Variants in MPPED2 observed in about 807,000 individuals in gnomAD.
MPPED2 encodes the protein metallophosphoesterase domain containing 2, also known as metallophosphoesterase MPPED2.
MPPED2 carries 5 observed loss-of-function variants against 33.0 expected under a neutral mutation model. That is an observed-to-expected ratio of 0.15 (90% CI 0.08 to 0.32). The LOEUF (loss-of-function observed/expected upper bound fraction) is 0.32. Ranked by LOEUF, MPPED2 falls within the 10% of genes least tolerant of loss-of-function variation. The pLI, the probability that MPPED2 is intolerant of heterozygous loss-of-function variation, is 1.00. For synonymous variants in MPPED2, 136 were observed against 141.9 expected (o/e 0.96, Z 0.29); for missense variants, 275 against 372.1 (o/e 0.74, Z 2.15).
chr11:30,464,511 T>C (rs1286367449), intron 4 of MPPED2, among the ~76,000 whole-genome samples: 1 of 152,234 alleles, frequency 6.6e-6, no homozygotes, highest in Non-Finnish European at 1.5e-5. Context: ...TTGTTGTACT[T>C]GATTTTAATA....
intron 2 of MPPED2, among the ~76,000 whole-genome samples, chr11:30,572,016 T>G (rs773391678): frequency 2.0e-5 from 3 of 152,220 alleles, no homozygotes; most frequent in Non-Finnish European, 4.4e-5. Flanking sequence ...AGAGGTGATC[T>G]GATGGCTCCT....
Position 30,488,288 on chromosome 11 carries a change from C to G in MPPED2, c.536+7008G>C, listed in dbSNP as rs112723054. 9.6e-3 allele frequency among the ~76,000 whole-genome samples: 1,459 copies of G among 152,308 alleles called. 25 individuals are homozygous for G. Among genetic ancestry groups the G allele is most frequent in the African/African-American group, 0.031 (1,303 of 41,556 alleles). On this transcript the variant is annotated intron_variant, in intron 4 of 6. Transcript: ENST00000358117. The stretch of plus-strand genomic sequence containing the variant: ...ATGAAAGTTCTCTGAGTGAAATACA[C>G]CATCCAAATGTAAATTTATTATTGT...
At chr11:30,563,875 T>C (rs61065469) in intron 2 of MPPED2, among the ~76,000 whole-genome samples, 13,455 of 152,184 alleles carry the variant, frequency 0.088, 2,038 homozygotes, top group African/African-American at 0.31. Flanking sequence ...TATCCCCTTA[T>C]AGGAGCGAAT....
At chr11:30,547,701 C>A (rs1955497471) in intron 2 of MPPED2, among the ~76,000 whole-genome samples, 1 of 152,174 alleles carries the variant, frequency 6.6e-6, no homozygotes, top group Non-Finnish European at 1.5e-5. Flanking sequence ...GATCCATTTG[C>A]AAATTAATTT....
chr11:30,416,482 G>A (rs1266763092), intron 5 of MPPED2, among the ~76,000 whole-genome samples: 1 of 151,958 alleles, frequency 6.6e-6, no homozygotes, highest in African/African-American at 2.4e-5. Flanking sequence ...AAAGGAGGGG[G>A]GTAACATGGA....
chr11:30,440,939 C>T (rs1949544863), intron 4 of MPPED2, among the ~76,000 whole-genome samples: 2 of 152,170 alleles, frequency 1.3e-5, no homozygotes, highest in Non-Finnish European at 2.9e-5. Flanking sequence ...TTTGCTCAAA[C>T]ATATATGTGA....
At chr11:30,571,426 T>TTGC in intron 2 of MPPED2, among the ~76,000 whole-genome samples, 1 of 152,244 alleles carries the variant, frequency 6.6e-6, no homozygotes. Flanking sequence ...AGTTTCCTCT[T>TTGC]TGCAGAGTTA....
chr11:30,485,430 C>T (rs1233284474), intron 4 of MPPED2, among the ~76,000 whole-genome samples: 6 of 152,154 alleles, frequency 3.9e-5, no homozygotes, highest in African/African-American at 1.4e-4. Context: ...AGGTAAATAA[C>T]ATGTGTAACA....
At position 30,580,424 on chromosome 11, in the gene MPPED2, G is replaced by A; in HGVS notation, c.-51C>T. ...TTCACAACTTTACAGAGCAAAAGAT[G>A]GAAGCAGGCATGGTGCGTTTCAGCC... On this transcript the variant is annotated 5_prime_UTR_variant, in exon 2 of 7. Transcript: ENST00000358117. The A allele has an allele frequency of 1.1e-5, 18 of 1,605,274 alleles. No homozygotes were observed. Among genetic ancestry groups the A allele is most frequent in the Non-Finnish European group, 1.5e-5 (18 of 1,174,204 alleles).
intron 4 of MPPED2, among the ~76,000 whole-genome samples, chr11:30,484,746 A>G (rs1951642579): frequency 6.6e-6 from 1 of 152,176 alleles, no homozygotes; most frequent in Admixed American, 6.5e-5. Context: ...GCAGCGGAAT[A>G]TGGGGTTCCT....
intron 4 of MPPED2, among the ~76,000 whole-genome samples, chr11:30,478,303 G>A (rs910460502): frequency 2.6e-5 from 4 of 151,852 alleles, no homozygotes; most frequent in African/African-American, 4.8e-5. Context: ...TATTAAGTTC[G>A]AAACCAATAA....
intron 4 of MPPED2, among the ~76,000 whole-genome samples, chr11:30,465,174 G>C (rs1265285542): frequency 6.6e-6 from 1 of 152,208 alleles, no homozygotes; most frequent in Admixed American, 6.5e-5. Flanking sequence ...AGTTCATGTA[G>C]ATATGGTAAG....
intron 3 of MPPED2, among the ~76,000 whole-genome samples, chr11:30,531,208 A>G (rs1359409694): frequency 2.6e-5 from 4 of 152,164 alleles, no homozygotes; most frequent in Admixed American, 2.6e-4. Context: ...ATTCATCTGT[A>G]CCTCTCTCCA....
chr11:30,549,998 A>AAAT (rs2134616306), intron 2 of MPPED2, among the ~76,000 whole-genome samples: 1 of 152,238 alleles, frequency 6.6e-6, no homozygotes, highest in Non-Finnish European at 1.5e-5. Flanking sequence ...TGCTTTTTTA[A>AAAT]AATAATAATA....
intron 2 of MPPED2, among the ~76,000 whole-genome samples, chr11:30,548,637 A>G (rs1455868062): frequency 6.6e-6 from 1 of 152,204 alleles, no homozygotes; most frequent in Non-Finnish European, 1.5e-5. Flanking sequence ...TCTATTTAAA[A>G]ATGGGTAGAT....
chr11:30,466,550 A>G (rs950825690), intron 4 of MPPED2, among the ~76,000 whole-genome samples: 12 of 152,192 alleles, frequency 7.9e-5, no homozygotes, highest in African/African-American at 2.7e-4. Flanking sequence ...GCAGAGGTCA[A>G]TCTGCCCTTT....
rs11031075 is a variant in MPPED2, at chr11:30,426,940, C to T, written c.537-9307G>A. ...CAGGACCACAACACACAAAAACCCA[C>T]ATCCTACCAGAGACTGAGCCTGCAA... On this transcript the variant is annotated intron_variant, in intron 4 of 6. Coordinates refer to ENST00000358117, the MANE Select transcript of MPPED2 (RefSeq NM_001584.3). 0.012 allele frequency among the ~76,000 whole-genome samples: 1,846 copies of T among 152,268 alleles called. 122 individuals are homozygous for T. The East Asian group carries it at 0.21, about 17-fold the overall frequency.
chr11:30,528,319 G>T (rs1386021862), intron 3 of MPPED2, among the ~76,000 whole-genome samples: 1 of 152,002 alleles, frequency 6.6e-6, no homozygotes, highest in Non-Finnish European at 1.5e-5. Context: ...GCAGTAGCAC[G>T]ATCTTGGCTC....
At chr11:30,416,879 A>T (rs991309631) in intron 5 of MPPED2, among the ~76,000 whole-genome samples, 2 of 152,204 alleles carry the variant, frequency 1.3e-5, no homozygotes, top group Non-Finnish European at 1.5e-5. Flanking sequence ...AAGTCAACTG[A>T]TCATTCTTTG....
Sources: allele counts gnomAD v4.1 joint callset (sites outside exome capture counted in the v4.1 genomes callset), GRCh38; gene constraint gnomAD v4.1.1; transcripts MANE v1.5; gene names NCBI Gene and HGNC (gene_info 2026-07-23, HGNC 2026-07-21).